Variants in TGFBR3 observed in about 807,000 individuals in gnomAD.
TGFBR3 encodes the protein transforming growth factor beta receptor 3.
Under a neutral mutation model 87.9 loss-of-function variants are expected in TGFBR3, and 46 were observed. The observed-to-expected ratio is 0.52, with a 90% confidence interval of 0.41 to 0.67. The LOEUF (loss-of-function observed/expected upper bound fraction) is 0.67, where lower values mean the gene tolerates loss of function less well. TGFBR3 is among the 30% of genes least tolerant of loss of function. The pLI is 0.00. For synonymous variants in TGFBR3, 381 were observed against 391.6 expected (o/e 0.97, Z 0.32); for missense variants, 866 against 1,041.9 (o/e 0.83, Z 2.32).
intron 2 of TGFBR3, among the ~76,000 whole-genome samples, chr1:91,802,501 C>T (rs777587690): frequency 2.0e-5 from 3 of 151,994 alleles, no homozygotes; most frequent in Non-Finnish European, 4.4e-5. Context: ...GCTAGGATTA[C>T]AGGCGCCCGC....
chr1:91,714,911 T>C (rs1055433375), intron 12 of TGFBR3, among the ~76,000 whole-genome samples: 2 of 152,218 alleles, frequency 1.3e-5, no homozygotes, highest in African/African-American at 4.8e-5. Flanking sequence ...GCAGAATCCA[T>C]ATGATCAAGG....
intron 2 of TGFBR3, among the ~76,000 whole-genome samples, chr1:91,834,406 C>T (rs527699812): frequency 5.9e-5 from 9 of 152,170 alleles, no homozygotes; most frequent in Non-Finnish European, 1.2e-4. Context: ...GACAGGTTCC[C>T]CTTTGGTTCA....
In TGFBR3 at chr1:91,804,935, C is replaced by A. The variant is rs181670594; in HGVS notation, c.62-7464G>T. ...CAGCAGCACAGCAAAAGCTGTGTTA[C>A]CACGTAAGGATCAACCAGGGCGTGG... On this transcript the variant is annotated intron_variant, in intron 2 of 16. Coordinates refer to ENST00000212355, the MANE Select transcript of TGFBR3 (RefSeq NM_003243.5). 2.2e-3 allele frequency among the ~76,000 whole-genome samples: 341 copies of A among 152,314 alleles called. 1 individual carries two copies. The highest frequency in any genetic ancestry group is 8.0e-3 in the African/African-American group (334 of 41,580).
At chr1:91,897,878 G>A (rs1679583951) in intron 2 of TGFBR3, among the ~76,000 whole-genome samples, 1 of 151,894 alleles carries the variant, frequency 6.6e-6, no homozygotes, top group Admixed American at 6.6e-5. Context: ...CAAATTTTTT[G>A]TCTTTCCTAT....
At chr1:91,864,561 A>AAT (rs1165981127) in intron 1 of TGFBR3, among the ~76,000 whole-genome samples, 1 of 152,220 alleles carries the variant, frequency 6.6e-6, no homozygotes, top group East Asian at 1.9e-4. Context: ...TCAAAAAGAA[A>AAT]ATAAACTGCA....
At chr1:91,791,026 A>G (rs553628256) in intron 3 of TGFBR3, among the ~76,000 whole-genome samples, 1 of 152,256 alleles carries the variant, frequency 6.6e-6, no homozygotes, top group African/African-American at 2.4e-5. Flanking sequence ...AGGTAGGTAG[A>G]TAAAGATCTC....
chr1:91,771,470 C>T (rs1054097771), intron 3 of TGFBR3, among the ~76,000 whole-genome samples: 2 of 151,874 alleles, frequency 1.3e-5, no homozygotes, highest in East Asian at 1.9e-4. Flanking sequence ...TTTGGAAGGC[C>T]GAGGTGGATG....
At position 91,683,824 on chromosome 1, in the gene TGFBR3, G is replaced by T; in HGVS notation, c.2471C>A (p.Ser824Tyr). ...ACTGCTGTTTTCCGAGGCTGGCGGG[G>T]AGGTGGGGACTTGCTGCCTTCCTGC... is the stretch of plus-strand genomic sequence containing the variant. Reference protein sequence around the residue: ...ETAGRQQVPTSPPASENSSAA... With the variant: ...ETAGRQQVPTYPPASENSSAA... Residue 824 changes from serine to tyrosine, a missense_variant, in exon 17 of 17, where the codon TCC becomes TAC. Coordinates refer to ENST00000212355, the MANE Select transcript of TGFBR3 (RefSeq NM_003243.5). 6.2e-7 allele frequency: 1 copy of T among 1,607,558 alleles called. No individual in the cohort carries two copies. Among genetic ancestry groups the T allele is most frequent in the Non-Finnish European group, 8.5e-7 (1 of 1,177,312 alleles).
chr1:91,718,298 T>G (rs552029622), intron 10 of TGFBR3, among the ~76,000 whole-genome samples: 1 of 152,292 alleles, frequency 6.6e-6, no homozygotes. Flanking sequence ...CAGTCTAATA[T>G]TCTCTGAGGA....
chr1:91,689,192 T>C (rs1054938510), intron 16 of TGFBR3, among the ~76,000 whole-genome samples: 3 of 152,172 alleles, frequency 2.0e-5, no homozygotes, highest in African/African-American at 7.2e-5. Context: ...AAAAGGTTAA[T>C]AGAAAACTTA....
intron 7 of TGFBR3, among the ~76,000 whole-genome samples, chr1:91,722,553 C>A (rs764251482): frequency 1.3e-5 from 2 of 152,072 alleles, no homozygotes; most frequent in Non-Finnish European, 2.9e-5. Context: ...TGTTATATTG[C>A]CCTCAAATTC....
chr1:91,896,357 C>T (rs146094618), intron 2 of TGFBR3, among the ~76,000 whole-genome samples: 41 of 152,252 alleles, frequency 2.7e-4, no homozygotes, highest in South Asian at 2.3e-3. Context: ...TTTGCAACAA[C>T]CATGAAGAGA....
chr1:91,767,969 T>C (rs1046581148), intron 3 of TGFBR3, among the ~76,000 whole-genome samples: 2 of 151,898 alleles, frequency 1.3e-5, no homozygotes, highest in African/African-American at 4.8e-5. Context: ...TCCCAGCACT[T>C]TGGGAGGCCA....
chr1:91,685,859 T>C (rs1293429209), intron 16 of TGFBR3, among the ~76,000 whole-genome samples: 1 of 152,186 alleles, frequency 6.6e-6, no homozygotes, highest in South Asian at 2.1e-4. Flanking sequence ...CAACTCTAGA[T>C]ATACTTTAAG....
chr1:91,873,048 C>T (rs759755522), intron 1 of TGFBR3, among the ~76,000 whole-genome samples: 2 of 151,990 alleles, frequency 1.3e-5, no homozygotes, highest in South Asian at 2.1e-4. Context: ...ACTGCAGCCT[C>T]GAACTCCTTG....
intron 1 of TGFBR3, among the ~76,000 whole-genome samples, chr1:91,876,029 GA>G (rs1678795250): frequency 2.0e-5 from 3 of 151,812 alleles, no homozygotes; most frequent in Admixed American, 6.6e-5. Flanking sequence ...AAAAATGGGG[GA>G]AAAAGGATAG....
intron 2 of TGFBR3, among the ~76,000 whole-genome samples, chr1:91,800,495 G>A (rs1453141572): frequency 6.6e-6 from 1 of 150,380 alleles, no homozygotes; most frequent in African/African-American, 2.4e-5. Context: ...GGGTGACAGA[G>A]TGAGACCCTA....
intron 2 of TGFBR3, among the ~76,000 whole-genome samples, chr1:91,860,072 A>G (rs60991315): frequency 0.02 from 3,098 of 152,290 alleles, 113 homozygotes; most frequent in African/African-American, 0.072. Flanking sequence ...TCAGTATAAC[A>G]CAGAGGTGAA....
rs7549952 is a variant in TGFBR3 at position 91,898,303 on chromosome 1, T to A, written c.-114+1334A>T. ...AGACAGAACATGAAGATGCTATTAG[T>A]ATGAATGTGTCCATTTAAGAATGTT... On this transcript the variant is annotated intron_variant, in intron 2 of 17. Coordinates refer to the TGFBR3 transcript ENST00000370399. Among the ~76,000 whole-genome samples, 1,450 of 152,238 alleles carry A rather than the reference T, an allele frequency of 9.5e-3. 25 individuals are homozygous for A. Among genetic ancestry groups the A allele is most frequent in the African/African-American group, 0.033 (1,351 of 41,530 alleles).
Sources: allele counts gnomAD v4.1 joint callset (sites outside exome capture counted in the v4.1 genomes callset), GRCh38; gene constraint gnomAD v4.1.1; transcripts MANE v1.5; gene names NCBI Gene and HGNC (gene_info 2026-07-23, HGNC 2026-07-21).